The following PRDM15 variants were observed in gnomAD, a reference collection of about 807,000 sequenced individuals.
The protein encoded by PRDM15 is PR/SET domain 15, also known as PR domain zinc finger protein 15.
PRDM15 carries 64 observed loss-of-function variants against 128.6 expected under a neutral mutation model. The ratio of observed to expected loss-of-function variants is 0.50; its 90% CI spans 0.41 to 0.61. The LOEUF is 0.61. Ranked by LOEUF, PRDM15 falls within the 20% of genes least tolerant of loss-of-function variation. PRDM15 has a pLI of 0.00. For synonymous variants in PRDM15, 615 were observed against 621.8 expected, an observed-to-expected ratio of 0.99 and a Z score of 0.16; for missense variants, 1,242 against 1,569.1, an observed-to-expected ratio of 0.79 and a Z score of 3.52.
chr21:41,807,902 G>C (rs1237630839), intron 21 of PRDM15, among the ~76,000 whole-genome samples: 2 of 152,128 alleles, frequency 1.3e-5, no homozygotes, highest in African/African-American at 4.8e-5. Context: ...GAGGGGAGTG[G>C]GGATGGGCAA....
intron 12 of PRDM15, 85 bp from the exon 13 acceptor site, chr21:41,826,139 T>G (rs28473463): frequency 0.23 from 258,011 of 1,132,932 alleles, 31,008 homozygotes; most frequent in Admixed American, 0.36. Context: ...GCCAGCATCC[T>G]TTCCAGCGCA....
chr21:41,847,770 G>C (rs7281198), intron 5 of PRDM15, among the ~76,000 whole-genome samples: 98,077 of 152,074 alleles, frequency 0.64, 32,021 homozygotes, highest in Admixed American at 0.72. Flanking sequence ...ATTTTACTAA[G>C]TTTGAACTTA....
Position 41,862,036 on chromosome 21 carries a change from G to A in PRDM15, c.-9-1664C>T, listed in dbSNP as rs1569008240. The A allele has an allele frequency of 6.5e-7, 1 of 1,541,908 alleles. No homozygotes were observed. Among genetic ancestry groups the A allele is most frequent in the Non-Finnish European group, 8.9e-7 (1 of 1,119,154 alleles). On this transcript the variant is annotated intron_variant, in intron 1 of 23. Coordinates refer to ENST00000398548, the MANE Select transcript of PRDM15 (RefSeq NM_001040424.3). The surrounding 1 kb of genome is among the most constrained non-coding windows in gnomAD (Gnocchi z 4.1). ...TGGATGGGCACCTCGGCGCAAATAGGGACCAGTCTGGGATGGGGGCTCAGC... is the reference window on the plus strand; with the variant it reads ...TGGATGGGCACCTCGGCGCAAATAGAGACCAGTCTGGGATGGGGGCTCAGC...
intron 3 of PRDM15, among the ~76,000 whole-genome samples, chr21:41,857,837 C>T (rs142739139): frequency 1.3e-5 from 2 of 152,348 alleles, no homozygotes; most frequent in Non-Finnish European, 2.9e-5. Context: ...TGATGATGCC[C>T]TCGGGCTGTG....
intron 11 of PRDM15, among the ~76,000 whole-genome samples, chr21:41,833,297 A>G (rs1986095064): frequency 6.6e-6 from 1 of 152,118 alleles, no homozygotes; most frequent in Admixed American, 6.5e-5. Context: ...AAAAACCCAC[A>G]AGACTGTAAC....
chr21:41,866,763 G>A (rs2064021976), intron 1 of PRDM15, among the ~76,000 whole-genome samples: 2 of 152,182 alleles, frequency 1.3e-5, no homozygotes, highest in Non-Finnish European at 2.9e-5. Flanking sequence ...AGCAGAACGA[G>A]CACAACGCTT....
intron 6 of PRDM15, among the ~76,000 whole-genome samples, chr21:41,843,269 A>G (rs2063130598): frequency 6.6e-6 from 1 of 152,120 alleles, no homozygotes; most frequent in Admixed American, 6.5e-5. Context: ...TCTTTCCTCT[A>G]CAAACACATC....
Position 41,802,860 on chromosome 21 carries a change from C to T in PRDM15, c.2795G>A (p.Arg932Gln), listed in dbSNP as rs763879239. The T allele has an allele frequency of 1.6e-5, 26 of 1,614,074 alleles. No individual in the cohort carries two copies. Among genetic ancestry groups the T allele is most frequent in the African/African-American group, 1.2e-4 (9 of 74,938 alleles). The change falls in exon 23 of 24, where the codon CGA (arginine) becomes CAA (glutamine). Residue 932 changes from arginine (R) to glutamine (Q), a missense_variant. Transcript: ENST00000398548. Reference protein sequence around the residue: ...AEGKHGKAAKRSHKRKQKPEE... With the variant: ...AEGKHGKAAKQSHKRKQKPEE... ...TGGCTTCTGCTTTCTCTTGTGACTT[C>T]GCTTGGCAGCTTTCCCGTGCTTCCC...
intron 1 of PRDM15, among the ~76,000 whole-genome samples, chr21:41,876,462 C>T (rs2064419045): frequency 6.6e-6 from 1 of 152,174 alleles, no homozygotes; most frequent in Admixed American, 6.5e-5. Context: ...ATCAACTTGT[C>T]ATCAACGATC....
In PRDM15 at chr21:41,802,793, G is replaced by A. The variant is rs2061450803; in HGVS notation, c.2862C>T (p.Phe954=). 2 of 1,614,194 alleles carry A rather than the reference G, an allele frequency of 1.2e-6. No individual in the cohort carries two copies. Among genetic ancestry groups the A allele is most frequent in the Non-Finnish European group, 1.7e-6 (2 of 1,180,028 alleles). The change falls in exon 23 of 24, where the codon TTC becomes TTT. Residue 954 remains phenylalanine, a synonymous_variant. Coordinates refer to ENST00000398548, the MANE Select transcript of PRDM15 (RefSeq NM_001040424.3). The part of the protein sequence containing the change: ...AGAPVPEDAT[F]SEYSEKETEF... ...CCGTCTCTTTCTCTGAGTATTCGCT[G>A]AAGGTGGCGTCCTCGGGCACCGGAG...
At chr21:41,875,256 G>A (rs145336257) in intron 1 of PRDM15, among the ~76,000 whole-genome samples, 4 of 152,330 alleles carry the variant, frequency 2.6e-5, no homozygotes, top group Admixed American at 6.5e-5. Flanking sequence ...CTAGACCTCC[G>A]TCCCTCTACA....
chr21:41,851,369 G>A (rs967968591), intron 5 of PRDM15, among the ~76,000 whole-genome samples: 1 of 152,212 alleles, frequency 6.6e-6, no homozygotes, highest in East Asian at 1.9e-4. Flanking sequence ...GCAGCGTTGG[G>A]CTCCAGTGCA....
At chr21:41,819,485 T>TGC in intron 18 of PRDM15, 97 bp downstream of exon 18, 2 of 648,904 alleles carry the variant, frequency 3.1e-6, no homozygotes, top group Non-Finnish European at 4.6e-6. Context: ...ACACCCACCT[T>TGC]CCCCACACTC....
At position 41,831,182 on chromosome 21, in the gene PRDM15, A is replaced by G. The variant is rs112398188; in HGVS notation, c.1367-2849T>C. Among the ~76,000 whole-genome samples the G allele has an allele frequency of 1.8e-3, 268 of 152,344 alleles. 2 individuals are homozygous for G. The highest frequency in any genetic ancestry group is 6.0e-3 in the African/African-American group (250 of 41,578). On this transcript the variant is annotated intron_variant, in intron 11 of 23. Coordinates refer to ENST00000398548, the MANE Select transcript of PRDM15 (RefSeq NM_001040424.3). ...CCCCAAAACTGCACTGAAAGCTGCC[A>G]TTTGTGCAAAGCAGCCGCCCTGCGC...
Position 41,821,354 on chromosome 21 carries a change from G to C in PRDM15, c.1897-124C>G. 8.9e-7 allele frequency: 1 copy of C among 1,128,512 alleles called. No homozygotes were observed. The highest frequency in any genetic ancestry group is 1.5e-5 in the South Asian group (1 of 68,720). The allele number at this position is 1,128,512 out of a possible 1,614,324, so 69.9% of individuals were successfully genotyped here. On this transcript the variant is annotated intron_variant, in intron 15 of 23. Coordinates refer to ENST00000398548, the MANE Select transcript of PRDM15 (RefSeq NM_001040424.3). This position sits in a 1 kb window ranked among gnomAD's most constrained non-coding sequence, Gnocchi z 5.4. The stretch of plus-strand genomic sequence containing the variant: ...CCCTGAGAGCCCATGACTCATGCCA[G>C]GGTGGAAGGGACTCTCAGAGGCTTG...
chr21:41,838,212 C>T, intron 7 of PRDM15, 149 bp from the exon 8 acceptor site: 1 of 777,928 alleles, frequency 1.3e-6, no homozygotes, highest in Admixed American at 2.7e-5. Context: ...AAAAAAAAAA[C>T]TGTCAATATT....
intron 14 of PRDM15, 50 bp downstream of exon 14, chr21:41,823,268 T>C: frequency 6.3e-7 from 1 of 1,592,128 alleles, no homozygotes; most frequent in Non-Finnish European, 8.5e-7. Flanking sequence ...GACGCTGGCC[T>C]GGGGGCCTGC....
At chr21:41,827,748 G>A (rs531357342) in intron 12 of PRDM15, among the ~76,000 whole-genome samples, 3 of 152,248 alleles carry the variant, frequency 2.0e-5, no homozygotes, top group Admixed American at 6.5e-5. Flanking sequence ...ATGAAAAGGT[G>A]TATGAAGGGC....
intron 21 of PRDM15, among the ~76,000 whole-genome samples, chr21:41,807,631 C>T (rs1013348648): frequency 2.0e-5 from 3 of 152,094 alleles, no homozygotes; most frequent in Admixed American, 1.3e-4. Flanking sequence ...CTGTCTCCTA[C>T]CCAGACCGTA....
Sources: allele counts gnomAD v4.1 joint callset (sites outside exome capture counted in the v4.1 genomes callset), GRCh38; gene constraint gnomAD v4.1.1; non-coding constraint Gnocchi (gnomAD v3.1); transcripts MANE v1.5; gene names NCBI Gene and HGNC (gene_info 2026-07-23, HGNC 2026-07-21).